The following HSPB8 variants were observed in gnomAD, a reference collection of about 807,000 sequenced individuals.
The protein encoded by HSPB8 is heat shock protein beta-8.
Under a neutral mutation model 16.5 loss-of-function variants are expected in HSPB8, and 9 were observed. The observed-to-expected ratio is 0.55, with a 90% confidence interval of 0.33 to 0.95. The LOEUF is 0.95. Among genes scored for constraint, HSPB8 ranks in the 40% least tolerant of loss-of-function variants. The pLI, the probability that HSPB8 is intolerant of heterozygous loss-of-function variation, is 0.03. For synonymous variants in HSPB8, 99 were observed against 94.8 expected (o/e 1.04, Z -0.26); for missense variants, 238 against 251.2 (o/e 0.95, Z 0.35).
intron 2 of HSPB8, among the ~76,000 whole-genome samples, chr12:119,190,791 G>A (rs1430157596): frequency 6.6e-6 from 1 of 152,046 alleles, no homozygotes; most frequent in Non-Finnish European, 1.5e-5. Context: ...CCTGCCTAAG[G>A]GCCTCAGCTC....
intron 1 of HSPB8, among the ~76,000 whole-genome samples, chr12:119,181,134 A>G (rs1448939926): frequency 6.6e-6 from 1 of 152,204 alleles, no homozygotes; most frequent in East Asian, 1.9e-4. Flanking sequence ...AAATGTGTAC[A>G]TACCTGTGAA....
intron 2 of HSPB8, among the ~76,000 whole-genome samples, chr12:119,192,702 T>C (rs985812322): frequency 6.6e-6 from 1 of 152,124 alleles, no homozygotes; most frequent in African/African-American, 2.4e-5. Context: ...GCTAAGTGAT[T>C]GTATTAGTCT....
chr12:119,188,394 A>C (rs1046174751), intron 2 of HSPB8, among the ~76,000 whole-genome samples: 13 of 151,908 alleles, frequency 8.6e-5, no homozygotes, highest in Admixed American at 7.2e-4. Context: ...TTACAGGTGC[A>C]TGCCACCATG....
At chr12:119,185,668 C>T (rs758512576) in intron 1 of HSPB8, among the ~76,000 whole-genome samples, 43 of 151,798 alleles carry the variant, frequency 2.8e-4, no homozygotes, top group Non-Finnish European at 5.6e-4. Flanking sequence ...GAAACAGTGC[C>T]TCTCTATGTT....
chr12:119,192,072 A>G (rs765697019), intron 2 of HSPB8, among the ~76,000 whole-genome samples: 5 of 152,238 alleles, frequency 3.3e-5, no homozygotes, highest in Non-Finnish European at 7.3e-5. Context: ...TGGCACCCCA[A>G]TGAGATCACT....
intron 1 of HSPB8, among the ~76,000 whole-genome samples, chr12:119,185,590 C>T (rs1291052067): frequency 6.6e-6 from 1 of 152,056 alleles, no homozygotes; most frequent in African/African-American, 2.4e-5. Context: ...CCTCGGCCTC[C>T]CAAAGTGCTG....
Position 119,179,103 on chromosome 12 carries a change from T to A in HSPB8, c.-210T>A. On this transcript the variant is annotated 5_prime_UTR_variant, in exon 1 of 3. Transcript: ENST00000281938. ...GGACCCTCTGGGATTCTGCTGGATC[T>A]GCCCCGGGGGTTACCTTTGGGGGCT... The A allele has an allele frequency of 3.2e-6, 2 of 632,976 alleles. No individual in the cohort carries two copies. The highest frequency in any genetic ancestry group is 3.6e-5 in the South Asian group (2 of 55,430). The allele number at this position is 632,976 out of a possible 1,614,324, so 39.2% of individuals were successfully genotyped here.
In HSPB8 at chr12:119,179,604, G is replaced by T. The variant is rs772625718; in HGVS notation, c.292G>T (p.Val98Leu). The T allele has an allele frequency of 1.3e-5, 21 of 1,609,034 alleles. No homozygotes were observed. Among genetic ancestry groups the T allele is most frequent in the East Asian group, 2.2e-5 (1 of 44,792 alleles). Residue 98 changes from valine (V) to leucine (L), a missense_variant, in exon 1 of 3, where the codon GTG becomes TTG. By Grantham distance (32) the Val-to-Leu change is conservative (BLOSUM62 1). Coordinates refer to ENST00000281938, the MANE Select transcript of HSPB8 (RefSeq NM_014365.3). ...PPPFPGEPWK[V>L]CVNVHSFKPE... ...ACCCTTCCCTGGGGAGCCCTGGAAA[G>T]TGTGTGTGAATGTGCACAGCTTCAA...
In HSPB8 at chr12:119,193,966, A is replaced by G. The variant is rs1490397362; in HGVS notation, c.*108A>G. 4.8e-6 allele frequency: 6 copies of G among 1,258,844 alleles called. No individual in the cohort carries two copies. The Admixed American group carries it at 5.1e-5, about 11-fold the overall frequency. The allele number at this position is 1,258,844 out of a possible 1,614,324, so 78.0% of individuals were successfully genotyped here. On this transcript the variant is annotated 3_prime_UTR_variant, in exon 3 of 3. Coordinates refer to ENST00000281938, the MANE Select transcript of HSPB8 (RefSeq NM_014365.3). ...AGATTTAGTGCAAGTAAAATGTTAG[A>G]GGGTGCGGGGGTGAGGACTGACCAC...
chr12:119,179,349 C>T lies in HSPB8; in HGVS notation c.37C>T (p.Pro13Ser), dbSNP rs1375501110. 2 of 1,614,010 alleles carry T rather than the reference C, an allele frequency of 1.2e-6. No individual in the cohort carries two copies. Among genetic ancestry groups the T allele is most frequent in the Non-Finnish European group, 1.7e-6 (2 of 1,180,046 alleles). ...TCAGATGCCCTTCTCCTGCCACTAC[C>T]CAAGCCGCCTGCGCCGAGACCCCTT... ...DGQMPFSCHY[P>S]SRLRRDPFRD... is the part of the protein sequence containing the mutation. Residue 13 changes from proline to serine, a missense_variant, in exon 1 of 3, where the codon CCA (proline) becomes TCA (serine). By Grantham distance (74) the Pro-to-Ser change is moderately conservative (BLOSUM62 -1). Coordinates refer to ENST00000281938, the MANE Select transcript of HSPB8 (RefSeq NM_014365.3).
At position 119,179,489 on chromosome 12, in the gene HSPB8, C is replaced by T; in HGVS notation, c.177C>T (p.Ala59=). 6.2e-7 allele frequency: 1 copy of T among 1,614,120 alleles called. No homozygotes were observed. The highest frequency in any genetic ancestry group is 8.5e-7 in the Non-Finnish European group (1 of 1,180,028). Residue 59 remains alanine (A), a synonymous_variant, in exon 1 of 3, where the codon GCC becomes GCT. Coordinates refer to ENST00000281938, the MANE Select transcript of HSPB8 (RefSeq NM_014365.3). Reference sequence around the variant, plus strand: ...GGGCTCTGCCTCGTCTCTCCTCCGCCTGGCCAGGCACCCTAAGGTCGGGCA... The same window carrying T: ...GGGCTCTGCCTCGTCTCTCCTCCGCTTGGCCAGGCACCCTAAGGTCGGGCA... The part of the protein sequence containing the change: ...PDWALPRLSS[A]WPGTLRSGMV...
intron 1 of HSPB8, among the ~76,000 whole-genome samples, chr12:119,184,376 G>C (rs776186555): frequency 2.0e-5 from 3 of 152,240 alleles, no homozygotes; most frequent in Non-Finnish European, 2.9e-5. Context: ...TATATTATCA[G>C]TTTTTATTCC....
intron 2 of HSPB8, among the ~76,000 whole-genome samples, chr12:119,193,343 A>C (rs1322735320): frequency 6.6e-6 from 1 of 152,232 alleles, no homozygotes; most frequent in African/African-American, 2.4e-5. Flanking sequence ...AGTGGGTATT[A>C]AGGTGATGAC....
At chr12:119,191,670 C>G (rs1389363030) in intron 2 of HSPB8, among the ~76,000 whole-genome samples, 1 of 152,016 alleles carries the variant, frequency 6.6e-6, no homozygotes, top group African/African-American at 2.4e-5. Context: ...TACCTCATGC[C>G]TTGGTTCTTT....
At chr12:119,181,861 A>G (rs1292522768) in intron 1 of HSPB8, among the ~76,000 whole-genome samples, 1 of 152,220 alleles carries the variant, frequency 6.6e-6, no homozygotes, top group Non-Finnish European at 1.5e-5. Context: ...CAGACTATCT[A>G]TGATAATATA....
In HSPB8 at chr12:119,179,232, C is replaced by A; in HGVS notation, c.-81C>A. The A allele has an allele frequency of 1.4e-6, 2 of 1,430,114 alleles. No individual in the cohort carries two copies. Among genetic ancestry groups the A allele is most frequent in the South Asian group, 1.1e-5 (1 of 87,492 alleles). The allele number at this position is 1,430,114 out of a possible 1,614,324, so 88.6% of individuals were successfully genotyped here. A position where few individuals can be genotyped will look rare whatever the true frequency, so the allele number is the denominator to read the frequency against. On this transcript the variant is annotated 5_prime_UTR_variant, in exon 1 of 3. Transcript: ENST00000281938. ...GAAGCTGAAGAATAAGCTAGCCCAG[C>A]CACACCACCTTGTTGTGTGACCTTG... is the stretch of plus-strand genomic sequence containing the variant.
intron 1 of HSPB8, among the ~76,000 whole-genome samples, chr12:119,180,447 T>C (rs1423157815): frequency 6.6e-6 from 1 of 152,166 alleles, no homozygotes; most frequent in Non-Finnish European, 1.5e-5. Flanking sequence ...GACATTCTTA[T>C]ACTTCTCCAA....
chr12:119,182,086 C>T (rs1013683033), intron 1 of HSPB8: 1 of 152,130 alleles, frequency 6.6e-6, no homozygotes, highest in Non-Finnish European at 1.5e-5. Context: ...TGCTTCATAA[C>T]AGGTGGGGTC....
chr12:119,186,929 A>G (rs956081817), intron 1 of HSPB8, 96 bp from the exon 2 acceptor site: 5 of 1,148,296 alleles, frequency 4.4e-6, no homozygotes, highest in African/African-American at 3.0e-5. Flanking sequence ...TCACACAGCA[A>G]GGCAGGTCCA....
Sources: gnomAD v4.1 joint callset for allele counts (sites outside exome capture counted in the v4.1 genomes callset) on GRCh38, gnomAD v4.1.1 for gene constraint, MANE v1.5 for transcripts, NCBI Gene and HGNC (gene_info 2026-07-23, HGNC 2026-07-21) for gene names.